Variants in MYO3B observed in about 807,000 individuals in gnomAD.
MYO3B encodes the protein myosin IIIB.
Under a neutral mutation model 174.6 loss-of-function variants are expected in MYO3B, and 156 were observed. That is an observed-to-expected ratio of 0.89 (90% CI 0.78 to 1.02). The LOEUF (loss-of-function observed/expected upper bound fraction) is 1.02. Among genes scored for constraint, MYO3B ranks in the 50% least tolerant of loss-of-function variants. The pLI, the probability that MYO3B is intolerant of heterozygous loss-of-function variation, is 0.00. For synonymous variants in MYO3B, 563 were observed against 569.1 expected (o/e 0.99, Z 0.15); for missense variants, 1,632 against 1,639.4 (o/e 1.00, Z 0.08).
chr2:170,313,128 A>G (rs1042051713), intron 7 of MYO3B, among the ~76,000 whole-genome samples: 5 of 152,192 alleles, frequency 3.3e-5, no homozygotes, highest in African/African-American at 1.2e-4. Flanking sequence ...GACTGTAATA[A>G]GAAATAAAAT....
At chr2:170,551,349 A>AT (rs1553520401) in intron 32 of MYO3B, among the ~76,000 whole-genome samples, 107,619 of 142,066 alleles carry the variant, frequency 0.76, 41,160 homozygotes, top group African/African-American at 0.84. Flanking sequence ...ATTTAATTTA[A>AT]TTATTTATTT....
chr2:170,301,517 C>A (rs893330086), intron 7 of MYO3B, among the ~76,000 whole-genome samples: 2 of 152,142 alleles, frequency 1.3e-5, no homozygotes, highest in South Asian at 2.1e-4. Context: ...TCTCTCCATT[C>A]ACACTCTTCT....
chr2:170,503,587 C>CA (rs1164263169), intron 28 of MYO3B, among the ~76,000 whole-genome samples: 1 of 148,188 alleles, frequency 6.7e-6, no homozygotes, highest in African/African-American at 2.5e-5. Flanking sequence ...AGGTGCCTTC[C>CA]TTTTTTTTAG....
At position 170,214,801 on chromosome 2, in the gene MYO3B, G is replaced by A. The variant is rs1316249107; in HGVS notation, c.499G>A (p.Glu167Lys). Residue 167 changes from glutamate to lysine, a missense_variant, in exon 5 of 35, where the codon GAA (glutamate) becomes AAA (lysine). Coordinates refer to ENST00000408978, the MANE Select transcript of MYO3B (RefSeq NM_138995.5). ...GGGGAATAACATTCTTCTGACAACA[G>A]AAGGAGGAGTTAAGCTCGTTGACTT... ...VKGNNILLTT[E>K]GGVKLVDFGV... 5.0e-6 allele frequency: 8 copies of A among 1,613,930 alleles called. No individual in the cohort carries two copies. Among genetic ancestry groups the A allele is most frequent in the African/African-American group, 2.7e-5 (2 of 74,924 alleles).
intron 19 of MYO3B, among the ~76,000 whole-genome samples, chr2:170,403,368 C>T (rs1055230066): frequency 1.3e-5 from 2 of 152,104 alleles, no homozygotes; most frequent in Non-Finnish European, 2.9e-5. Context: ...CTACACTAGC[C>T]CTCCCTATCC....
At chr2:170,420,142 C>T (rs541569199) in intron 22 of MYO3B, among the ~76,000 whole-genome samples, 8 of 152,090 alleles carry the variant, frequency 5.3e-5, no homozygotes, top group South Asian at 2.1e-4. Context: ...GAGCCAAGAT[C>T]GCACCACTGC....
chr2:170,267,010 C>T (rs1477294812), intron 7 of MYO3B, among the ~76,000 whole-genome samples: 1 of 152,204 alleles, frequency 6.6e-6, no homozygotes, highest in Admixed American at 6.5e-5. Context: ...CATCTTGATA[C>T]ACATTTTCTC....
intron 7 of MYO3B, among the ~76,000 whole-genome samples, chr2:170,291,874 C>T (rs932522515): frequency 2.0e-5 from 3 of 151,968 alleles, no homozygotes; most frequent in Non-Finnish European, 4.4e-5. Flanking sequence ...TTGTCCTTGA[C>T]CTTTAAGATT....
intron 30 of MYO3B, 46 bp from the exon 31 acceptor site, chr2:170,542,855 CTATTA>C (rs777630139): frequency 2.0e-5 from 28 of 1,389,050 alleles, no homozygotes; most frequent in African/African-American, 7.3e-5. Flanking sequence ...CTAAGTTTTT[CTATTA>C]TTATTTTCAA....
chr2:170,219,042 T>G (rs1298732913), intron 6 of MYO3B, among the ~76,000 whole-genome samples: 1 of 152,246 alleles, frequency 6.6e-6, no homozygotes, highest in African/African-American at 2.4e-5. Context: ...CCTACTGATG[T>G]GTCTTTCCTT....
chr2:170,535,342 C>T (rs1689619752), intron 30 of MYO3B, among the ~76,000 whole-genome samples: 1 of 152,156 alleles, frequency 6.6e-6, no homozygotes, highest in African/African-American at 2.4e-5. Flanking sequence ...CAGATTAGAG[C>T]CTTCAGTGTG....
At chr2:170,642,755 A>G (rs1356981775) in intron 32 of MYO3B, among the ~76,000 whole-genome samples, 2 of 152,180 alleles carry the variant, frequency 1.3e-5, no homozygotes, top group African/African-American at 4.8e-5. Context: ...ATTTTCCTCC[A>G]TGACATGACT....
At chr2:170,601,991 G>C in intron 32 of MYO3B, 1 of 871,584 alleles carries the variant, frequency 1.1e-6, no homozygotes, top group Non-Finnish European at 2.0e-6. Context: ...CCTTTAGGAG[G>C]GATATAGGTT....
chr2:170,373,904 GA>G (rs2094267990), intron 9 of MYO3B, among the ~76,000 whole-genome samples: 1 of 151,676 alleles, frequency 6.6e-6, no homozygotes, highest in Non-Finnish European at 1.5e-5. Context: ...TTAAATCTTT[GA>G]GATATTCACT....
At chr2:170,271,583 T>C (rs1477747948) in intron 7 of MYO3B, among the ~76,000 whole-genome samples, 1 of 152,194 alleles carries the variant, frequency 6.6e-6, no homozygotes, top group Admixed American at 6.5e-5. Flanking sequence ...TCTGGCCCAG[T>C]GCATAGAGTA....
At chr2:170,575,847 C>G (rs1692750879) in intron 32 of MYO3B, among the ~76,000 whole-genome samples, 2 of 152,168 alleles carry the variant, frequency 1.3e-5, no homozygotes, top group Non-Finnish European at 2.9e-5. Flanking sequence ...CAAATCGTAA[C>G]TGGCAGGGAC....
chr2:170,648,845 A>G (rs1698613400), intron 32 of MYO3B, among the ~76,000 whole-genome samples: 1 of 112,290 alleles, frequency 8.9e-6, no homozygotes, highest in African/African-American at 3.6e-5. Flanking sequence ...TATATTCTAT[A>G]TTATATATAG....
intron 14 of MYO3B, among the ~76,000 whole-genome samples, chr2:170,391,066 A>C (rs903009049): frequency 6.6e-6 from 1 of 152,066 alleles, no homozygotes; most frequent in Non-Finnish European, 1.5e-5. Flanking sequence ...AGCTTGGGAG[A>C]GTGAAAAACC....
At chr2:170,399,184 G>C (rs1449600401) in intron 16 of MYO3B, among the ~76,000 whole-genome samples, 3 of 145,206 alleles carry the variant, frequency 2.1e-5, no homozygotes, top group African/African-American at 7.6e-5. Context: ...AGAGGTTGCA[G>C]TGAGCCGAGA....
Sources: gnomAD v4.1 joint callset for allele counts (sites outside exome capture counted in the v4.1 genomes callset) on GRCh38, gnomAD v4.1.1 for gene constraint, MANE v1.5 for transcripts, NCBI Gene and HGNC (gene_info 2026-07-23, HGNC 2026-07-21) for gene names.